Variants in PLCB4 observed in about 807,000 individuals in gnomAD.
The protein encoded by PLCB4 is 1-phosphatidylinositol 4,5-bisphosphate phosphodiesterase beta-4.
Under a neutral mutation model 178.8 loss-of-function variants are expected in PLCB4, and 77 were observed. That is an observed-to-expected ratio of 0.43 (90% CI 0.36 to 0.52). PLCB4 has a LOEUF of 0.52. Ranked by LOEUF, PLCB4 falls within the 20% of genes least tolerant of loss-of-function variation. The pLI, the probability that PLCB4 is intolerant of heterozygous loss-of-function variation, is 0.00. For synonymous variants in PLCB4, 496 were observed against 490.8 expected, an observed-to-expected ratio of 1.01 and a Z score of -0.14; for missense variants, 1,024 against 1,453.4, an observed-to-expected ratio of 0.70 and a Z score of 4.80.
At chr20:9,300,775 C>T (rs79183589) in intron 3 of PLCB4, among the ~76,000 whole-genome samples, 123 of 152,238 alleles carry the variant, frequency 8.1e-4, no homozygotes, top group African/African-American at 2.9e-3. Context: ...GTCTGTACTG[C>T]ATTCCAAACT....
At chr20:9,470,726 G>A (rs552076828) in intron 36 of PLCB4, among the ~76,000 whole-genome samples, 27 of 152,198 alleles carry the variant, frequency 1.8e-4, no homozygotes, top group African/African-American at 4.3e-4. Context: ...ATGGGGGTAC[G>A]TGAGAAAACT....
At chr20:9,205,165 G>A (rs527486230) in intron 2 of PLCB4, among the ~76,000 whole-genome samples, 37 of 152,288 alleles carry the variant, frequency 2.4e-4, no homozygotes, top group African/African-American at 8.7e-4. Flanking sequence ...CAGTGGCAGT[G>A]AGCCACAGCT....
chr20:9,271,097 T>A (rs1021587538), intron 3 of PLCB4, among the ~76,000 whole-genome samples: 2 of 152,154 alleles, frequency 1.3e-5, no homozygotes. Flanking sequence ...AAAGGCCTTA[T>A]TGGGCAGAAT....
chr20:9,116,407 G>C (rs1020291208), intron 2 of PLCB4, among the ~76,000 whole-genome samples: 1 of 152,110 alleles, frequency 6.6e-6, no homozygotes, highest in African/African-American at 2.4e-5. Context: ...CACATGCAGA[G>C]TATTGTTGTG....
chr20:9,190,366 G>A (rs1034929630), intron 2 of PLCB4, among the ~76,000 whole-genome samples: 17 of 152,256 alleles, frequency 1.1e-4, no homozygotes, highest in African/African-American at 3.6e-4. Flanking sequence ...CTTATAAGGT[G>A]CTCTTGTGCC....
rs1300858918 is a variant in PLCB4 at position 9,393,690 on chromosome 20, A to C, written c.1414+12A>C. 1 of 1,508,646 alleles carries C rather than the reference A, an allele frequency of 6.6e-7. No homozygotes were observed. The highest frequency in any genetic ancestry group is 1.7e-5 in the Admixed American group (1 of 59,860). The allele number at this position is 1,508,646 out of a possible 1,614,324, so 93.5% of individuals were successfully genotyped here. A position where few individuals can be genotyped will look rare whatever the true frequency, so the allele number is the denominator to read the frequency against. On this transcript the variant is annotated intron_variant, in intron 18 of 39. Coordinates refer to ENST00000378473, the MANE Select transcript of PLCB4 (RefSeq NM_001377142.1). The stretch of plus-strand genomic sequence containing the variant: ...TGAAGTTGAAAAAAGTAAGTGAAAC[A>C]CACACATTTATAATGGAAGCATACA...
At chr20:9,453,948 A>G (rs1049658671) in intron 33 of PLCB4, among the ~76,000 whole-genome samples, 1 of 152,192 alleles carries the variant, frequency 6.6e-6, no homozygotes, top group African/African-American at 2.4e-5. Flanking sequence ...AATACCATTA[A>G]CCAAGCCACA....
chr20:9,259,544 G>A (rs975505307), intron 3 of PLCB4, among the ~76,000 whole-genome samples: 1 of 152,098 alleles, frequency 6.6e-6, no homozygotes, highest in African/African-American at 2.4e-5. Context: ...ATACAAGGCT[G>A]TAAAAGTCAA....
rs902666763 is a variant in PLCB4, at chr20:9,300,198, T to C, written c.-15-7602T>C. ...GTGATAGATTCAACTGATTTACTTG[T>C]GGTCAGTGGAAATTTTATCCCAACT... On this transcript the variant is annotated intron_variant, in intron 3 of 39. Transcript: ENST00000378473. 5.3e-5 allele frequency among the ~76,000 whole-genome samples: 8 copies of C among 152,266 alleles called. No individual in the cohort carries two copies. In the East Asian group the frequency reaches 1.3e-3, roughly 26 times the overall value.
chr20:9,307,988 A>C lies in PLCB4; in HGVS notation c.84+90A>C, dbSNP rs144122052. On this transcript the variant is annotated intron_variant, in intron 4 of 39. Coordinates refer to ENST00000378473, the MANE Select transcript of PLCB4 (RefSeq NM_001377142.1). ...TATTGAGTAAATATTCTTTGACATA[A>C]GTAAGAACATCTTTAGGATTTATAG... 5.9e-3 allele frequency: 3,356 copies of C among 564,130 alleles called. 73 individuals carry two copies. The highest frequency in any genetic ancestry group is 0.047 in the African/African-American group (2,473 of 52,710). 34.9% of individuals were successfully genotyped at this position (564,130 alleles called of 1,614,324 possible).
At chr20:9,459,436 C>A (rs1226074583) in intron 34 of PLCB4, among the ~76,000 whole-genome samples, 199 bp from the exon 35 acceptor site, 2 of 152,132 alleles carry the variant, frequency 1.3e-5, no homozygotes, top group African/African-American at 2.4e-5. Context: ...AGAGCCAAAG[C>A]AATTGATTTA....
chr20:9,126,916 C>A (rs1470673672), intron 2 of PLCB4, among the ~76,000 whole-genome samples: 4 of 151,922 alleles, frequency 2.6e-5, no homozygotes, highest in Non-Finnish European at 5.9e-5. Context: ...ATAAAATGCC[C>A]TACTTTGCTG....
intron 2 of PLCB4, among the ~76,000 whole-genome samples, chr20:9,122,051 G>C (rs1350129859): frequency 6.6e-6 from 1 of 152,028 alleles, no homozygotes; most frequent in Non-Finnish European, 1.5e-5. Flanking sequence ...TGTGTTGTTT[G>C]GTTTCTCTCA....
intron 2 of PLCB4, among the ~76,000 whole-genome samples, chr20:9,161,432 A>G (rs1177570692): frequency 1.3e-5 from 2 of 152,200 alleles, no homozygotes; most frequent in Non-Finnish European, 2.9e-5. Flanking sequence ...CTTGTCCAAA[A>G]TCAAATCGCT....
At chr20:9,464,708 T>A (rs2043645796) in intron 35 of PLCB4, among the ~76,000 whole-genome samples, 1 of 151,990 alleles carries the variant, frequency 6.6e-6, no homozygotes, top group Non-Finnish European at 1.5e-5. Flanking sequence ...CCTGGACACA[T>A]ACACCCTCCC....
intron 19 of PLCB4, 28 bp downstream of exon 19, chr20:9,395,646 A>G (rs1568730738): frequency 6.8e-7 from 1 of 1,466,352 alleles, no homozygotes; most frequent in Admixed American, 1.7e-5. Context: ...ATTTTAAGTT[A>G]CATGCTTTGA....
At chr20:9,464,716 C>T (rs1276217705) in intron 35 of PLCB4, among the ~76,000 whole-genome samples, 2 of 152,130 alleles carry the variant, frequency 1.3e-5, no homozygotes, top group Non-Finnish European at 2.9e-5. Flanking sequence ...CATACACCCT[C>T]CCGAGACTAA....
chr20:9,358,305 C>T (rs1355245195), intron 7 of PLCB4, among the ~76,000 whole-genome samples: 1 of 152,172 alleles, frequency 6.6e-6, no homozygotes, highest in Non-Finnish European at 1.5e-5. Context: ...AATTAAGATA[C>T]CTTCACTAGT....
chr20:9,074,494 A>G (rs1442815916), intron 1 of PLCB4, among the ~76,000 whole-genome samples: 1 of 152,130 alleles, frequency 6.6e-6, no homozygotes, highest in Non-Finnish European at 1.5e-5. Context: ...GTTCTCTTTC[A>G]TAGGGGTAGA....
Sources: allele counts gnomAD v4.1 joint callset (sites outside exome capture counted in the v4.1 genomes callset), GRCh38; gene constraint gnomAD v4.1.1; transcripts MANE v1.5; gene names NCBI Gene and HGNC (gene_info 2026-07-23, HGNC 2026-07-21).